The following LAMA1 variants were observed in gnomAD, a reference collection of about 807,000 sequenced individuals.
LAMA1 encodes the protein laminin subunit alpha 1.
LAMA1 carries 219 observed loss-of-function variants against 348.7 expected under a neutral mutation model. The observed-to-expected ratio is 0.63, with a 90% CI of 0.56 to 0.70. LAMA1 has a LOEUF of 0.70. Ranked by LOEUF, LAMA1 falls within the 30% of genes least tolerant of loss-of-function variation. LAMA1 has a pLI of 0.00. For missense variants in LAMA1, 3,744 were observed against 3,888.0 expected (o/e 0.96, Z 0.99); for synonymous variants, 1,487 against 1,491.0 (o/e 1.00, Z 0.06).
At chr18:7,065,354 C>T (rs1438613666) in intron 3 of LAMA1, among the ~76,000 whole-genome samples, 2 of 151,592 alleles carry the variant, frequency 1.3e-5, no homozygotes, top group African/African-American at 4.8e-5. Context: ...TAAAACTTCT[C>T]TAAAAAATAG....
At chr18:7,084,267 T>C (rs1267530943) in intron 1 of LAMA1, among the ~76,000 whole-genome samples, 1 of 151,904 alleles carries the variant, frequency 6.6e-6, no homozygotes, top group Non-Finnish European at 1.5e-5. Flanking sequence ...ACTGAAATAG[T>C]TCAATAAAGG....
rs1312525744 is a variant in LAMA1, at chr18:7,040,102, G to A, written c.1396C>T (p.Pro466Ser). The A allele has an allele frequency of 6.2e-7, 1 of 1,614,074 alleles. No individual in the cohort carries two copies. The change falls in exon 10 of 63, where the codon CCC becomes TCC. Residue 466 changes from proline to serine, a missense_variant. By Grantham distance (74) the Pro-to-Ser change is moderately conservative (BLOSUM62 -1). This residue lies in a region of LAMA1 where 1,529 missense variants were observed against 1,689.4 expected (regional missense o/e 0.91). Transcript: ENST00000389658. The part of the protein sequence containing the change: ...CNPVGSASDE[P>S]CTGPCVCKEN... ...TTACAAACACAGGGCCCTGTGCAGGGCTCATCACTGGCACTGCCCACTGGG... is the reference window on the plus strand; with the variant it reads ...TTACAAACACAGGGCCCTGTGCAGGACTCATCACTGGCACTGCCCACTGGG...
At chr18:7,001,230 T>C (rs561555476) in intron 30 of LAMA1, among the ~76,000 whole-genome samples, 1 of 152,290 alleles carries the variant, frequency 6.6e-6, no homozygotes, top group African/African-American at 2.4e-5. Flanking sequence ...TATACCTTAT[T>C]CTTTTCTCCG....
chr18:7,042,386 G>C, intron 8 of LAMA1, 136 bp from the exon 9 acceptor site: 1 of 670,904 alleles, frequency 1.5e-6, no homozygotes, highest in Non-Finnish European at 2.8e-6. Flanking sequence ...GTGGGGGTTA[G>C]GTTTGAGGAA....
chr18:7,001,130 C>T (rs2057805754), intron 30 of LAMA1, among the ~76,000 whole-genome samples: 1 of 152,080 alleles, frequency 6.6e-6, no homozygotes, highest in Non-Finnish European at 1.5e-5. Context: ...TATGAATAGA[C>T]GTGGATATGA....
chr18:7,016,921 C>T (rs2057891158), intron 20 of LAMA1, among the ~76,000 whole-genome samples: 2 of 152,166 alleles, frequency 1.3e-5, no homozygotes, highest in Admixed American at 6.5e-5. Context: ...CCCCATGTGT[C>T]AAAGGAGAGA....
chr18:6,997,722 T>G lies in LAMA1; in HGVS notation c.4806+20A>C. On this transcript the variant is annotated intron_variant, in intron 33 of 62. Coordinates refer to ENST00000389658, the MANE Select transcript of LAMA1 (RefSeq NM_005559.4). Reference sequence around the variant, plus strand: ...TTAATGATACAAGTGTCTGTTCATCTCTGTATTTCCAGTACCTACCTGGAG... The same window carrying G: ...TTAATGATACAAGTGTCTGTTCATCGCTGTATTTCCAGTACCTACCTGGAG... 1 of 1,611,500 alleles carries G rather than the reference T, an allele frequency of 6.2e-7. No individual in the cohort carries two copies. The highest frequency in any genetic ancestry group is 8.5e-7 in the Non-Finnish European group (1 of 1,177,618).
At chr18:7,062,653 G>A (rs1048106851) in intron 3 of LAMA1, among the ~76,000 whole-genome samples, 1 of 152,074 alleles carries the variant, frequency 6.6e-6, no homozygotes, top group African/African-American at 2.4e-5. Flanking sequence ...TTTCTAAAAG[G>A]CCAAAACATG....
chr18:6,992,370 A>C (rs1296344170), intron 36 of LAMA1, among the ~76,000 whole-genome samples, 191 bp downstream of exon 36: 1 of 152,204 alleles, frequency 6.6e-6, no homozygotes, highest in Non-Finnish European at 1.5e-5. Flanking sequence ...TGCACAGATT[A>C]CACCTTTCTA....
Position 6,942,031 on chromosome 18 carries a change from C to T in LAMA1, c.*48G>A. ...AGATTCTTAATTCACACATACACTT[C>T]TCCTCAAAATATTAGCAATGATTCC... On this transcript the variant is annotated 3_prime_UTR_variant, in exon 63 of 63. Coordinates refer to ENST00000389658, the MANE Select transcript of LAMA1 (RefSeq NM_005559.4). The T allele has an allele frequency of 1.9e-6, 3 of 1,604,940 alleles. No individual in the cohort carries two copies. The highest frequency in any genetic ancestry group is 2.6e-6 in the Non-Finnish European group (3 of 1,172,372).
At position 6,977,939 on chromosome 18, in the gene LAMA1, ATAAT is replaced by A. The variant is rs553168865; in HGVS notation, c.6191-62_6191-59del. On this transcript the variant is annotated intron_variant, in intron 43 of 62. Transcript: ENST00000389658. ...AAAGTTGGGGAGAGGGAAAAACAAG[ATAAT>A]TAATTGTCCATTAACAATGCACTTG... is the stretch of plus-strand genomic sequence containing the variant. The A allele has an allele frequency of 1.2e-3, 1,806 of 1,567,352 alleles. 11 individuals carry two copies. The Middle Eastern group carries it at 0.017, about 14-fold the overall frequency.
At chr18:7,050,313 T>A (rs2058057503) in intron 4 of LAMA1, among the ~76,000 whole-genome samples, 1 of 152,290 alleles carries the variant, frequency 6.6e-6, no homozygotes, top group African/African-American at 2.4e-5. Flanking sequence ...CTGCAAGACT[T>A]CAAGAGTCTC....
At chr18:7,047,067 CAG>C (rs2058044569) in intron 5 of LAMA1, among the ~76,000 whole-genome samples, 1 of 139,316 alleles carries the variant, frequency 7.2e-6, no homozygotes, top group East Asian at 2.1e-4. Context: ...TTTTTTGAGA[CAG>C]AGTCTCGGTC....
At chr18:7,041,967 C>T (rs747377291) in intron 9 of LAMA1, among the ~76,000 whole-genome samples, 178 bp downstream of exon 9, 15 of 152,182 alleles carry the variant, frequency 9.9e-5, no homozygotes, top group Admixed American at 9.8e-4. Context: ...TTGTTAAGTA[C>T]ACATTCCCAG....
intron 47 of LAMA1, among the ~76,000 whole-genome samples, chr18:6,972,847 C>T (rs2057664261): frequency 6.6e-6 from 1 of 152,186 alleles, no homozygotes; most frequent in Non-Finnish European, 1.5e-5. Context: ...TGTGCCACCA[C>T]ACCCGGCTAA....
Position 7,044,737 on chromosome 18 carries a change from C to G in LAMA1, c.961G>C (p.Gly321Arg). 1 of 1,613,772 alleles carries G rather than the reference C, an allele frequency of 6.2e-7. No homozygotes were observed. The highest frequency in any genetic ancestry group is 8.5e-7 in the Non-Finnish European group (1 of 1,179,676). Residue 321 changes from glycine to arginine, a missense_variant, in exon 7 of 63, where the codon GGC becomes CGC. Transcript: ENST00000389658. Reference sequence around the variant, plus strand: ...GTATACTGACCTTCACATGTATTGCCGGAGGACACGGTTCCCGGCCTCCAG... The same window carrying G: ...GTATACTGACCTTCACATGTATTGCGGGAGGACACGGTTCCCGGCCTCCAG... ...QPWRPGTVSS[G>R]NTCEACNCHN...
At chr18:6,969,583 T>C (rs1380325552) in intron 48 of LAMA1, among the ~76,000 whole-genome samples, 1 of 152,212 alleles carries the variant, frequency 6.6e-6, no homozygotes, top group East Asian at 1.9e-4. Flanking sequence ...TTTTTGGAAA[T>C]GTTGGCCAAT....
At position 7,011,394 on chromosome 18, in the gene LAMA1, G is replaced by A. The variant is rs767771435; in HGVS notation, c.3593C>T (p.Ala1198Val). 6.2e-7 allele frequency: 1 copy of A among 1,610,728 alleles called. No homozygotes were observed. The highest frequency in any genetic ancestry group is 8.5e-7 in the Non-Finnish European group (1 of 1,178,782). Residue 1198 changes from alanine to valine, a missense_variant, in exon 25 of 63, where the codon GCC becomes GTC. By Grantham distance (64) the Ala-to-Val change is moderately conservative. Around this residue, in one of 3 missense-constraint regions of LAMA1, gnomAD observed 1,529 missense variants for 1,689.4 expected, o/e 0.91. Coordinates refer to ENST00000389658, the MANE Select transcript of LAMA1 (RefSeq NM_005559.4). ...GGCGGCATCCAGCAGGAAGTCGGGG[G>A]CCTGGTAGTAAACCCCCTCGGTCGT... ...RGTTEGVYYQ[A>V]PDFLLDAATV...
At chr18:6,999,380 C>A in intron 32 of LAMA1, 65 bp downstream of exon 32, 1 of 1,533,196 alleles carries the variant, frequency 6.5e-7, no homozygotes, top group Non-Finnish European at 9.0e-7. Flanking sequence ...GTGCCGTCAC[C>A]ACTTCTTTCC....
Sources: allele counts gnomAD v4.1 joint callset (sites outside exome capture counted in the v4.1 genomes callset), GRCh38; gene constraint gnomAD v4.1.1; regional missense constraint gnomAD v4.1.1; transcripts MANE v1.5; gene names NCBI Gene and HGNC (gene_info 2026-07-23, HGNC 2026-07-21).